The following CKMT2 variants were observed in gnomAD, a reference collection of about 807,000 sequenced individuals.
CKMT2 encodes creatine kinase, mitochondrial 2.
CKMT2 carries 43 observed loss-of-function variants against 48.9 expected under a neutral mutation model. The observed-to-expected ratio is 0.88, with a 90% CI of 0.69 to 1.13. The LOEUF (loss-of-function observed/expected upper bound fraction) is 1.13, where lower values mean the gene tolerates loss of function less well. CKMT2 is among the 50% of genes most tolerant of loss of function. CKMT2 has a pLI of 0.00. For synonymous variants in CKMT2, 206 were observed against 213.0 expected (o/e 0.97, Z 0.29); for missense variants, 472 against 555.4 (o/e 0.85, Z 1.51).
At chr5:81,252,218 GGA>G (rs1756840976) in intron 2 of CKMT2, 1 of 181,868 alleles carries the variant, frequency 5.5e-6, no homozygotes, top group Admixed American at 5.4e-5. Context: ...AGGCAGGTAT[GGA>G]TGAGAGAGAC....
intron 9 of CKMT2, among the ~76,000 whole-genome samples, chr5:81,265,703 A>C (rs1230224696): frequency 6.6e-6 from 1 of 152,174 alleles, no homozygotes; most frequent in East Asian, 1.9e-4. Flanking sequence ...ATTTGACATT[A>C]ATTTTTCAGG....
chr5:81,265,984 C>T (rs1364743126), intron 9 of CKMT2, among the ~76,000 whole-genome samples, 155 bp from the exon 10 acceptor site: 1 of 152,108 alleles, frequency 6.6e-6, no homozygotes, highest in Non-Finnish European at 1.5e-5. Context: ...TGAGAGAAAC[C>T]CTTATATCTC....
At chr5:81,242,976 T>C (rs1304434141) in intron 1 of CKMT2, among the ~76,000 whole-genome samples, 1 of 152,218 alleles carries the variant, frequency 6.6e-6, no homozygotes, top group Non-Finnish European at 1.5e-5. Context: ...TGAGTGGCTT[T>C]TAAATTATTA....
intron 7 of CKMT2, 73 bp from the exon 8 acceptor site, chr5:81,259,047 T>C: frequency 7.0e-7 from 1 of 1,430,814 alleles, no homozygotes; most frequent in East Asian, 2.3e-5. Context: ...TCTCTCTCTC[T>C]GGTGTTAGGG....
At chr5:81,259,353 A>T (rs1757128346) in intron 8 of CKMT2, 99 bp downstream of exon 8, 1 of 1,057,066 alleles carries the variant, frequency 9.5e-7, no homozygotes, top group Non-Finnish European at 1.3e-6. Flanking sequence ...CTTAACCCTT[A>T]CTTTCTCTAT....
chr5:81,233,346 C>T lies in CKMT2; in HGVS notation c.-52C>T, dbSNP rs931505277. On this transcript the variant is annotated 5_prime_UTR_variant, in exon 1 of 10. Transcript: ENST00000254035. ...TGCATACACTTCTTGGCTGTGTGCGCTCAGCAGGACGTGGGAGGCTCCGGC... is the reference window on the plus strand; with the variant it reads ...TGCATACACTTCTTGGCTGTGTGCGTTCAGCAGGACGTGGGAGGCTCCGGC... 142 of 985,586 alleles carry T rather than the reference C, an allele frequency of 1.4e-4. No individual in the cohort carries two copies. Among genetic ancestry groups the T allele is most frequent in the Non-Finnish European group, 1.6e-4 (134 of 830,148 alleles). The allele number at this position is 985,586 out of a possible 1,614,324, so 61.1% of individuals were successfully genotyped here.
At chr5:81,264,802 C>T (rs1039791011) in intron 9 of CKMT2, among the ~76,000 whole-genome samples, 8 of 152,092 alleles carry the variant, frequency 5.3e-5, no homozygotes, top group African/African-American at 1.9e-4. Flanking sequence ...ACCCAACAAC[C>T]CTGATAACCA....
At chr5:81,264,326 ATAT>A (rs1288810824) in intron 9 of CKMT2, among the ~76,000 whole-genome samples, 5 of 152,240 alleles carry the variant, frequency 3.3e-5, no homozygotes, top group Non-Finnish European at 2.9e-5. Flanking sequence ...CCCATTGGAC[ATAT>A]TATGCCCATC....
At chr5:81,248,655 C>T (rs1033882676) in intron 1 of CKMT2, among the ~76,000 whole-genome samples, 8 of 152,216 alleles carry the variant, frequency 5.3e-5, no homozygotes, top group African/African-American at 1.9e-4. Context: ...CAATTTATAT[C>T]TTGTCTGCTC....
chr5:81,240,766 G>T (rs1217519297), intron 1 of CKMT2, among the ~76,000 whole-genome samples: 1 of 152,086 alleles, frequency 6.6e-6, no homozygotes, highest in East Asian at 1.9e-4. Context: ...TACTTCTTGG[G>T]ATTGTTTTGA....
intron 7 of CKMT2, among the ~76,000 whole-genome samples, chr5:81,258,233 G>C (rs1169645779): frequency 1.3e-5 from 2 of 150,936 alleles, no homozygotes; most frequent in Non-Finnish European, 1.5e-5. Flanking sequence ...ACCACGCCCA[G>C]CCTCAAGGCA....
chr5:81,239,021 T>TGAGC (rs1756345282), intron 1 of CKMT2: 1 of 152,146 alleles, frequency 6.6e-6, no homozygotes, highest in Non-Finnish European at 1.5e-5. Flanking sequence ...GATGGATGGA[T>TGAGC]AGATGGACAA....
intron 8 of CKMT2, among the ~76,000 whole-genome samples, chr5:81,260,224 T>TTAGAGGGAAATTTATA: frequency 6.6e-6 from 1 of 152,170 alleles, no homozygotes; most frequent in African/African-American, 2.4e-5. Flanking sequence ...AAAGCAGTGT[T>TTAGAGGGAAATTTATA]TAGAGGGAAA....
chr5:81,262,705 T>C (rs927681185), intron 8 of CKMT2, among the ~76,000 whole-genome samples: 3 of 152,078 alleles, frequency 2.0e-5, no homozygotes, highest in African/African-American at 7.2e-5. Flanking sequence ...TGTGGAGAAA[T>C]AGGAATGCTT....
At position 81,257,857 on chromosome 5, in the gene CKMT2, G is replaced by GT. The variant is rs1303896040; in HGVS notation, c.879+2dup. 11 of 1,609,542 alleles carry GT rather than the reference G, an allele frequency of 6.8e-6. No homozygotes were observed. The highest frequency in any genetic ancestry group is 1.3e-5 in the African/African-American group (1 of 74,698). ...GCGATTCTGTCGTGGACTAAAAGAA[G>GT]TAAGATGTTATCTGAGATTTCTGGA... On this transcript the variant is annotated splice_donor_variant, in intron 7 of 9. Transcript: ENST00000254035. LOFTEE classifies it high-confidence loss of function.
In CKMT2 at chr5:81,257,847, A is replaced by G; in HGVS notation, c.870A>G (p.Gly290=). The change falls in exon 7 of 10, where the codon GGA becomes GGG. Residue 290 remains glycine (G), a synonymous_variant. Coordinates refer to ENST00000254035, the MANE Select transcript of CKMT2 (RefSeq NM_001099735.2). ...GAGTATTTGAGCGATTCTGTCGTGG[A>G]CTAAAAGAAGTAAGATGTTATCTGA... ...MKRVFERFCR[G]LKEVERLIQE... The G allele has an allele frequency of 6.2e-7, 1 of 1,612,344 alleles. No individual in the cohort carries two copies.
intron 6 of CKMT2, 89 bp from the exon 7 acceptor site, chr5:81,257,644 G>A (rs911061868): frequency 1.7e-6 from 2 of 1,176,328 alleles, no homozygotes; most frequent in Admixed American, 4.5e-5. Context: ...AAGGTGAAAT[G>A]AAGCAATCAA....
chr5:81,254,977 A>C lies in CKMT2; in HGVS notation c.448-16A>C, dbSNP rs1756946970. 6.2e-6 allele frequency: 10 copies of C among 1,609,948 alleles called. No individual in the cohort carries two copies. The highest frequency in any genetic ancestry group is 8.5e-6 in the Non-Finnish European group (10 of 1,177,030). On this transcript the variant is annotated splice_polypyrimidine_tract_variant and intron_variant, in intron 4 of 9. Transcript: ENST00000254035. ...GTCCGAGGCTGGCCACAGTGACCCC[A>C]CAGTCTGCTTGGCAGATCACCCAAG...
intron 2 of CKMT2, chr5:81,252,263 T>C (rs146769622): frequency 1.4e-3 from 297 of 205,484 alleles, no homozygotes; most frequent in African/African-American, 6.6e-3. Context: ...CTGAGACATT[T>C]AGTGTCTCTT....
Sources: allele counts gnomAD v4.1 joint callset (sites outside exome capture counted in the v4.1 genomes callset), GRCh38; gene constraint gnomAD v4.1.1; transcripts MANE v1.5; gene names NCBI Gene and HGNC (gene_info 2026-07-23, HGNC 2026-07-21).